VPS13B: variants seen among roughly 807,000 people sequenced by gnomAD.
VPS13B encodes the protein intermembrane lipid transfer protein VPS13B.
In VPS13B, 285 loss-of-function variants were observed where a neutral mutation model predicts 426.4. The ratio of observed to expected loss-of-function variants is 0.67; its 90% CI spans 0.61 to 0.74. The LOEUF is 0.74. Among genes scored for constraint, VPS13B ranks in the 30% least tolerant of loss-of-function variants. The pLI is 0.00. For synonymous variants in VPS13B, 1,676 were observed against 1,676.4 expected, an observed-to-expected ratio of 1.00 and a Z score of 0.01; for missense variants, 4,537 against 4,782.6, an observed-to-expected ratio of 0.95 and a Z score of 1.51.
At chr8:99,819,244 AAG>A (rs1431225554) in intron 47 of VPS13B, among the ~76,000 whole-genome samples, 166 bp from the exon 48 acceptor site, 3 of 152,176 alleles carry the variant, frequency 2.0e-5, no homozygotes, top group African/African-American at 4.8e-5. Flanking sequence ...TGGGGGAAGA[AAG>A]AGGAAAAGCC....
At position 99,287,228 on chromosome 8, in the gene VPS13B, GTCTGTCTA is replaced by G. The variant is rs1414092875; in HGVS notation, c.2824+11978_2824+11985del. Among the ~76,000 whole-genome samples the G allele has an allele frequency of 7.5e-3, 791 of 105,878 alleles. 8 individuals are homozygous for G. Among genetic ancestry groups the G allele is most frequent in the East Asian group, 0.03 (78 of 2,574 alleles). 69.5% of individuals were successfully genotyped at this position (105,878 alleles called of 152,430 possible). A position where few individuals can be genotyped will look rare whatever the true frequency, so the allele number is the denominator to read the frequency against. The stretch of plus-strand genomic sequence containing the variant: ...GATATATGTGTGTGTGTATCTATCT[GTCTGTCTA>G]TCTATCTATCTATCTATCTATCTAT... On this transcript the variant is annotated intron_variant, in intron 19 of 61. Coordinates refer to ENST00000357162, the MANE Select transcript of VPS13B (RefSeq NM_152564.5).
At chr8:99,375,811 G>C (rs1217026409) in intron 19 of VPS13B, among the ~76,000 whole-genome samples, 2 of 152,152 alleles carry the variant, frequency 1.3e-5, no homozygotes, top group Admixed American at 6.5e-5. Flanking sequence ...GAAAAATAGT[G>C]AGTTTTAACA....
chr8:99,378,327 T>A (rs914975301), intron 19 of VPS13B, among the ~76,000 whole-genome samples: 2 of 152,206 alleles, frequency 1.3e-5, no homozygotes, highest in South Asian at 4.1e-4. Flanking sequence ...TGTTTTCCTG[T>A]TCTTAAGGTG....
chr8:99,124,636 C>T (rs190253106), intron 8 of VPS13B, among the ~76,000 whole-genome samples: 24 of 152,080 alleles, frequency 1.6e-4, no homozygotes, highest in Admixed American at 9.8e-4. Context: ...CGTATAATCC[C>T]AGCACTTTGG....
chr8:99,154,550 T>C (rs576370298), intron 14 of VPS13B, among the ~76,000 whole-genome samples: 1 of 152,294 alleles, frequency 6.6e-6, no homozygotes, highest in East Asian at 1.9e-4. Flanking sequence ...GATTGTTGGC[T>C]AATTCCTAAG....
chr8:99,428,078 A>G (rs1325849475), intron 21 of VPS13B, among the ~76,000 whole-genome samples: 2 of 152,244 alleles, frequency 1.3e-5, no homozygotes, highest in Non-Finnish European at 2.9e-5. Context: ...AATACTGGCT[A>G]GCCATATGTA....
intron 17 of VPS13B, among the ~76,000 whole-genome samples, chr8:99,211,213 G>A (rs192968830): frequency 1.3e-3 from 198 of 152,312 alleles, no homozygotes; most frequent in Middle Eastern, 6.8e-3. Context: ...GCCATGAGAG[G>A]ACAAGGTAAG....
At chr8:99,175,927 A>G (rs541028732) in intron 16 of VPS13B, among the ~76,000 whole-genome samples, 1 of 152,198 alleles carries the variant, frequency 6.6e-6, no homozygotes, top group Non-Finnish European at 1.5e-5. Flanking sequence ...GTACTACTAT[A>G]ATAATTTCGT....
intron 17 of VPS13B, among the ~76,000 whole-genome samples, chr8:99,238,922 T>A (rs1816773473): frequency 6.6e-6 from 1 of 152,126 alleles, no homozygotes; most frequent in African/African-American, 2.4e-5. Flanking sequence ...CTTTTTCCCC[T>A]CTCCAAAAAT....
chr8:99,233,672 A>G lies in VPS13B; in HGVS notation c.2516-40526A>G. 6 of 834,268 alleles carry G rather than the reference A, an allele frequency of 7.2e-6. No individual in the cohort carries two copies. The East Asian group carries it at 1.2e-4, about 17-fold the overall frequency. The allele number at this position is 834,268 out of a possible 1,614,324, so 51.7% of individuals were successfully genotyped here. On this transcript the variant is annotated intron_variant, in intron 17 of 61. Coordinates refer to ENST00000357162, the MANE Select transcript of VPS13B (RefSeq NM_152564.5). ...GGCCTCCACTGTGCCCTTCACAGTG[A>G]TGGTTCTTTCCGGGTTGCATATGCT...
At chr8:99,185,800 A>G (rs1563589795) in intron 16 of VPS13B, among the ~76,000 whole-genome samples, 1 of 152,196 alleles carries the variant, frequency 6.6e-6, no homozygotes, top group African/African-American at 2.4e-5. Flanking sequence ...TTTATTTAAA[A>G]TTTAGAAGAA....
At position 99,147,943 on chromosome 8, in the gene VPS13B, C is replaced by T. The variant is rs568537798; in HGVS notation, c.1946C>T (p.Thr649Ile). The change falls in exon 14 of 62, where the codon ACC becomes ATC. Residue 649 changes from threonine to isoleucine, a missense_variant. This residue lies in a region of VPS13B where 4,311 missense variants were observed against 4,474.3 expected (regional missense o/e 0.96). Transcript: ENST00000357162. ...ACAAGTGTTACTCTCCTCAAATGTA[C>T]CTGCACAATTTCCATGGCTGAATTC... ...RHTSVTLLKC[T>I]CTISMAEFNL... 5.0e-6 allele frequency: 8 copies of T among 1,613,702 alleles called. No individual in the cohort carries two copies. The East Asian group carries it at 8.9e-5, about 18-fold the overall frequency.
intron 47 of VPS13B, among the ~76,000 whole-genome samples, chr8:99,819,166 T>G (rs1479852643): frequency 6.6e-6 from 1 of 152,096 alleles, no homozygotes; most frequent in Non-Finnish European, 1.5e-5. Flanking sequence ...TAATTTAGGT[T>G]TCATTGACAC....
intron 19 of VPS13B, among the ~76,000 whole-genome samples, chr8:99,369,083 G>A (rs1813038512): frequency 6.6e-6 from 1 of 152,050 alleles, no homozygotes; most frequent in African/African-American, 2.4e-5. Flanking sequence ...TCATTGTGAG[G>A]CATGTTAACC....
At chr8:99,175,320 A>G (rs1020116132) in intron 16 of VPS13B, among the ~76,000 whole-genome samples, 1 of 152,138 alleles carries the variant, frequency 6.6e-6, no homozygotes, top group Non-Finnish European at 1.5e-5. Flanking sequence ...ATATTGGAAA[A>G]TTTTTTTGAG....
At chr8:99,045,461 C>G (rs992458908) in intron 3 of VPS13B, among the ~76,000 whole-genome samples, 1 of 151,848 alleles carries the variant, frequency 6.6e-6, no homozygotes, top group African/African-American at 2.4e-5. Context: ...AGTCCGTTGT[C>G]AGATGTATAG....
At chr8:99,089,669 A>G (rs1286585184) in intron 3 of VPS13B, among the ~76,000 whole-genome samples, 2 of 152,158 alleles carry the variant, frequency 1.3e-5, no homozygotes, top group Non-Finnish European at 2.9e-5. Context: ...CTTATTATGC[A>G]GATGAAGTTT....
chr8:99,736,402 G>A (rs1220442644), intron 39 of VPS13B, among the ~76,000 whole-genome samples: 8 of 152,026 alleles, frequency 5.3e-5, no homozygotes, highest in South Asian at 2.1e-4. Flanking sequence ...GTGAAACCCC[G>A]TCTCTACTAA....
intron 4 of VPS13B, 91 bp from the exon 5 acceptor site, chr8:99,102,860 CCT>C (rs2132453357): frequency 8.0e-7 from 1 of 1,248,188 alleles, no homozygotes; most frequent in African/African-American, 1.5e-5. Flanking sequence ...ATAATAACCA[CCT>C]TTCTCATACA....
Sources: gnomAD v4.1 joint callset for allele counts (sites outside exome capture counted in the v4.1 genomes callset) on GRCh38, gnomAD v4.1.1 for gene constraint, gnomAD v4.1.1 regional missense constraint, MANE v1.5 for transcripts, NCBI Gene and HGNC (gene_info 2026-07-23, HGNC 2026-07-21) for gene names.